SOX5: variants seen among roughly 807,000 people sequenced by gnomAD.
The protein encoded by SOX5 is SRY-box transcription factor 5, also known as transcription factor SOX-5.
SOX5 carries 9 observed loss-of-function variants against 92.0 expected under a neutral mutation model. The observed-to-expected ratio is 0.10, with a 90% confidence interval of 0.06 to 0.17. The LOEUF (loss-of-function observed/expected upper bound fraction) is 0.17. SOX5 is among the 10% of genes least tolerant of loss of function. SOX5 has a pLI of 1.00. For synonymous variants in SOX5, 344 were observed against 336.3 expected, an observed-to-expected ratio of 1.02 and a Z score of -0.25; for missense variants, 642 against 944.5, an observed-to-expected ratio of 0.68 and a Z score of 4.20.
At position 24,288,513 on chromosome 12, in the gene SOX5, T is replaced by C. The variant is rs549812716; in HGVS notation, c.-173-11201A>G. ...GTTTGACAATGCATTGAACAGTGGTTCAAGTGACAGAGGTCACCGTTACTG... is the reference window on the plus strand; with the variant it reads ...GTTTGACAATGCATTGAACAGTGGTCCAAGTGACAGAGGTCACCGTTACTG... On this transcript the variant is annotated intron_variant, in intron 2 of 4. Transcript: ENST00000446891. Among the ~76,000 whole-genome samples the C allele has an allele frequency of 4.6e-5, 7 of 152,240 alleles. 1 individual carries two copies. The South Asian group carries it at 1.5e-3, about 32-fold the overall frequency.
chr12:23,618,087 G>C (rs1227642062), intron 8 of SOX5, among the ~76,000 whole-genome samples: 1 of 152,162 alleles, frequency 6.6e-6, no homozygotes, highest in African/African-American at 2.4e-5. Context: ...TCACCAACCA[G>C]CAAATACATC....
In SOX5 at chr12:24,355,282, C is replaced by CAATTTTTTTT. The variant is rs1221012836; in HGVS notation, c.-174+13280_-174+13281insAAAAAAAATT. Among the ~76,000 whole-genome samples, 63 of 71,928 alleles carry CAATTTTTTTT rather than the reference C, an allele frequency of 8.8e-4. 1 individual carries two copies. Among genetic ancestry groups the CAATTTTTTTT allele is most frequent in the Non-Finnish European group, 1.1e-3 (46 of 43,376 alleles). The allele number at this position is 71,928 out of a possible 152,430, so 47.2% of individuals were successfully genotyped here. A position where few individuals can be genotyped will look rare whatever the true frequency, so the allele number is the denominator to read the frequency against. ...TTAGCAGGTGTGGTGAGGGGTGCAT[C>CAATTTTTTTT]TTTTTTTTTTTTTTTTTTTTTTTTT... On this transcript the variant is annotated intron_variant, in intron 2 of 4. Transcript: ENST00000446891.
chr12:23,852,805 C>G (rs959152668), intron 2 of SOX5, among the ~76,000 whole-genome samples: 4 of 152,088 alleles, frequency 2.6e-5, no homozygotes, highest in African/African-American at 9.7e-5. Context: ...ACATTTTTCT[C>G]AGGCCTCACC....
chr12:24,130,352 A>G (rs1207411749), intron 4 of SOX5, among the ~76,000 whole-genome samples: 1 of 152,198 alleles, frequency 6.6e-6, no homozygotes, highest in Non-Finnish European at 1.5e-5. Context: ...AGTAAGAAAT[A>G]TATTGACAGA....
At chr12:24,461,550 C>G (rs1943630373) in intron 1 of SOX5, among the ~76,000 whole-genome samples, 1 of 152,152 alleles carries the variant, frequency 6.6e-6, no homozygotes, top group Non-Finnish European at 1.5e-5. Flanking sequence ...GAGGTAAAAA[C>G]AACAACATTG....
chr12:23,854,321 T>TGCAATAAAATATAATGGCAGCAAA (rs1402740708), intron 2 of SOX5, among the ~76,000 whole-genome samples: 40 of 152,204 alleles, frequency 2.6e-4, no homozygotes, highest in African/African-American at 9.1e-4. Flanking sequence ...GGTCCTCCCA[T>TGCAATAAAATATAATGGCAGCAAA]GCAGTAAAAT....
chr12:23,610,032 G>C, intron 8 of SOX5, among the ~76,000 whole-genome samples: 1 of 152,012 alleles, frequency 6.6e-6, no homozygotes, highest in Non-Finnish European at 1.5e-5. Context: ...ATTTTAACTT[G>C]TACTAATTAA....
chr12:24,275,474 A>G (rs1944329971), intron 3 of SOX5, among the ~76,000 whole-genome samples: 1 of 152,088 alleles, frequency 6.6e-6, no homozygotes, highest in Non-Finnish European at 1.5e-5. Context: ...TCTTTAGAAA[A>G]GAATTTTAAA....
chr12:23,570,962 TA>T, intron 10 of SOX5, among the ~76,000 whole-genome samples: 1 of 92,252 alleles, frequency 1.1e-5, no homozygotes, highest in East Asian at 2.8e-4. Context: ...TATATATATA[TA>T]TATATATATA....
chr12:23,598,356 C>A (rs2137318974), intron 9 of SOX5, among the ~76,000 whole-genome samples: 2 of 147,864 alleles, frequency 1.4e-5, no homozygotes, highest in Non-Finnish European at 3.0e-5. Context: ...ATTTCAAACT[C>A]ATGAAGTCTC....
intron 8 of SOX5, among the ~76,000 whole-genome samples, chr12:23,623,456 C>T (rs534561278): frequency 6.6e-6 from 1 of 152,060 alleles, no homozygotes; most frequent in Admixed American, 6.6e-5. Context: ...GTAGCCCAGC[C>T]CCAAGTAGCA....
chr12:23,937,938 A>G (rs1942937005), intron 1 of SOX5, among the ~76,000 whole-genome samples: 1 of 150,702 alleles, frequency 6.6e-6, no homozygotes, highest in Admixed American at 6.6e-5. Flanking sequence ...TGCCAAGCAG[A>G]TGGTTGAAAT....
intron 3 of SOX5, among the ~76,000 whole-genome samples, chr12:23,816,831 C>G (rs951444161): frequency 1.3e-5 from 2 of 152,066 alleles, no homozygotes; most frequent in Non-Finnish European, 2.9e-5. Context: ...CTGGGAGACC[C>G]AATAAAACAT....
chr12:23,791,998 T>C (rs2095482955), intron 3 of SOX5, among the ~76,000 whole-genome samples: 1 of 151,990 alleles, frequency 6.6e-6, no homozygotes, highest in South Asian at 2.1e-4. Flanking sequence ...ATTATCTCTT[T>C]CTAAGATTTA....
intron 2 of SOX5, among the ~76,000 whole-genome samples, chr12:23,863,523 G>T (rs953576296): frequency 7.9e-5 from 12 of 152,024 alleles, no homozygotes; most frequent in African/African-American, 2.7e-4. Context: ...GTGTCATATG[G>T]CTTCTCATCG....
At chr12:24,494,618 A>G (rs1262090809) in intron 1 of SOX5, among the ~76,000 whole-genome samples, 3 of 152,170 alleles carry the variant, frequency 2.0e-5, no homozygotes, top group Non-Finnish European at 4.4e-5. Context: ...CCTGGAAGTA[A>G]TGTGGTTTCA....
chr12:24,339,542 A>G (rs535780632), intron 2 of SOX5, among the ~76,000 whole-genome samples: 17 of 152,230 alleles, frequency 1.1e-4, no homozygotes, highest in Non-Finnish European at 2.4e-4. Context: ...TTCTCAGTGC[A>G]CTGGGAGCCA....
rs535421287 is a variant in SOX5 at position 24,549,624 on chromosome 12, G to A, written c.-251+12705C>T. ...TGAGAAGAGTTAATAGGGCTGATGTGTTGCAGATAGTTTGGGAGTCATCTG... is the reference window on the plus strand; with the variant it reads ...TGAGAAGAGTTAATAGGGCTGATGTATTGCAGATAGTTTGGGAGTCATCTG... On this transcript the variant is annotated intron_variant, in intron 1 of 4. Coordinates refer to the SOX5 transcript ENST00000446891. Among the ~76,000 whole-genome samples, 9 of 152,308 alleles carry A rather than the reference G, an allele frequency of 5.9e-5. No homozygotes were observed. In the South Asian group the frequency reaches 1.9e-3, roughly 32 times the overall value.
chr12:24,341,182 T>C (rs1952533280), intron 2 of SOX5, among the ~76,000 whole-genome samples: 1 of 152,184 alleles, frequency 6.6e-6, no homozygotes, highest in African/African-American at 2.4e-5. Flanking sequence ...ATCTGATTAA[T>C]AGTAACAATT....
Sources: gnomAD v4.1 joint callset for allele counts (sites outside exome capture counted in the v4.1 genomes callset) on GRCh38, gnomAD v4.1.1 for gene constraint, MANE v1.5 for transcripts, NCBI Gene and HGNC (gene_info 2026-07-23, HGNC 2026-07-21) for gene names.